SLC17A5: variants seen among roughly 807,000 people sequenced by gnomAD.
SLC17A5 encodes solute carrier family 17 member 5.
A neutral mutation model predicts 59.4 loss-of-function variants in SLC17A5; 47 were observed. The ratio of observed to expected loss-of-function variants is 0.79; its 90% confidence interval spans 0.63 to 1.01. The LOEUF (loss-of-function observed/expected upper bound fraction) is 1.01, where lower values mean the gene tolerates loss of function less well. Among genes scored for constraint, SLC17A5 ranks in the 50% least tolerant of loss-of-function variants. The probability of loss-of-function intolerance (pLI) is 0.00; values close to 1 mark genes in which losing one functional copy is unlikely to be tolerated. For missense variants in SLC17A5, 522 were observed against 595.5 expected (o/e 0.88, Z 1.28); for synonymous variants, 202 against 210.7 (o/e 0.96, Z 0.36).
chr6:73,605,630 A>AAC (rs3045763), intron 9 of SLC17A5, among the ~76,000 whole-genome samples: 53,024 of 145,746 alleles, frequency 0.36, 10,653 homozygotes, highest in Non-Finnish European at 0.46. Flanking sequence ...GCAAGGTTTA[A>AAC]ACACACACAC....
intron 3 of SLC17A5, among the ~76,000 whole-genome samples, chr6:73,640,697 G>A (rs768161830): frequency 1.3e-4 from 20 of 152,076 alleles, no homozygotes; most frequent in Admixed American, 2.6e-4. Context: ...GTAGAAGTTC[G>A]AAGTTATAAA....
intron 9 of SLC17A5, among the ~76,000 whole-genome samples, chr6:73,606,795 T>A (rs1330435228): frequency 6.6e-6 from 1 of 152,234 alleles, no homozygotes; most frequent in Non-Finnish European, 1.5e-5. Flanking sequence ...AGCATGCTAT[T>A]ACACTGAAAT....
intron 9 of SLC17A5, among the ~76,000 whole-genome samples, chr6:73,609,003 G>C (rs2150085443): frequency 6.6e-6 from 1 of 152,282 alleles, no homozygotes; most frequent in Middle Eastern, 3.4e-3. Context: ...CTGGGTGACA[G>C]AGTGCAGCTT....
chr6:73,621,690 G>A, intron 7 of SLC17A5, 114 bp downstream of exon 7: 1 of 843,970 alleles, frequency 1.2e-6, no homozygotes, highest in Non-Finnish European at 1.9e-6. Context: ...TAAAATTTAG[G>A]ACAGCAGAGT....
rs141463026 is a variant in SLC17A5, at chr6:73,653,802, C to T, written c.85G>A (p.Ala29Thr). 2,721 of 1,589,136 alleles carry T rather than the reference C, an allele frequency of 1.7e-3. 5 individuals carry two copies. Among genetic ancestry groups the T allele is most frequent in the Non-Finnish European group, 2.1e-3 (2,479 of 1,169,500 alleles). Residue 29 changes from alanine (A) to threonine (T), a missense_variant, in exon 1 of 11, where the codon GCC becomes ACC. Ala to Thr is a moderately conservative substitution (Grantham distance 58). This residue lies in a region of SLC17A5 where 338 missense variants were observed against 363.8 expected (regional missense o/e 0.93). Transcript: ENST00000355773. ...RTPLLPGAPR[A>T]EAAPVCCSAR... is the part of the protein sequence containing the mutation. Reference sequence around the variant, plus strand: ...CGACCCCGCCGCTTACCGGCTTCGGCCCGTGGGGCGCCCGGTAGAAGAGGC... The same window carrying T: ...CGACCCCGCCGCTTACCGGCTTCGGTCCGTGGGGCGCCCGGTAGAAGAGGC...
At chr6:73,599,021 A>G (rs1282674341) in intron 10 of SLC17A5, among the ~76,000 whole-genome samples, 1 of 151,464 alleles carries the variant, frequency 6.6e-6, no homozygotes, top group African/African-American at 2.4e-5. Context: ...ACACACAAAC[A>G]AAAAACAAAA....
At chr6:73,623,575 C>G (rs905342283) in intron 6 of SLC17A5, among the ~76,000 whole-genome samples, 1 of 152,136 alleles carries the variant, frequency 6.6e-6, no homozygotes, top group Non-Finnish European at 1.5e-5. Context: ...CTGAAGTGAT[C>G]TGCCTGCCTC....
chr6:73,647,967 G>T (rs1229064210), intron 1 of SLC17A5, among the ~76,000 whole-genome samples: 1 of 152,146 alleles, frequency 6.6e-6, no homozygotes, highest in African/African-American at 2.4e-5. Flanking sequence ...TACTCGGGAG[G>T]TTGAGGCAGG....
At chr6:73,641,355 A>G (rs1158991911) in intron 3 of SLC17A5, among the ~76,000 whole-genome samples, 2 of 152,210 alleles carry the variant, frequency 1.3e-5, no homozygotes, top group African/African-American at 4.8e-5. Flanking sequence ...CTGGGATTAC[A>G]GGCATGAGCC....
intron 6 of SLC17A5, among the ~76,000 whole-genome samples, chr6:73,627,922 CT>C (rs10672268): frequency 0.063 from 8,860 of 140,734 alleles, 389 homozygotes; most frequent in Admixed American, 0.17. Context: ...GTGCCTGCCA[CT>C]TTTTTTTTTT....
In SLC17A5 at chr6:73,635,381, C is replaced by T. The variant is rs1057517028; in HGVS notation, c.819+1G>A. 27 of 1,479,742 alleles carry T rather than the reference C, an allele frequency of 1.8e-5. No homozygotes were observed. The highest frequency in any genetic ancestry group is 2.5e-5 in the Non-Finnish European group (26 of 1,061,166). 91.7% of individuals were successfully genotyped at this position (1,479,742 alleles called of 1,614,324 possible). ...TTTTTAAAATGTGTCAAAGTCCATA[C>T]CTGATTTCTTAATGATGAAAGAATG... On this transcript the variant is annotated splice_donor_variant, in intron 6 of 10. Coordinates refer to ENST00000355773, the MANE Select transcript of SLC17A5 (RefSeq NM_012434.5). LOFTEE classifies it high-confidence loss of function.
At chr6:73,610,312 G>A (rs1767587258) in intron 9 of SLC17A5, 88 bp downstream of exon 9, 1 of 1,486,172 alleles carries the variant, frequency 6.7e-7, no homozygotes, top group Non-Finnish European at 9.3e-7. Flanking sequence ...GGGATTACAG[G>A]TGTGAGTCAC....
At chr6:73,596,725 T>G (rs1057195859) in intron 10 of SLC17A5, among the ~76,000 whole-genome samples, 47 of 151,278 alleles carry the variant, frequency 3.1e-4, no homozygotes, top group Non-Finnish European at 7.4e-5. Context: ...GCGTGGTGGC[T>G]GGTGCCTGTA....
At chr6:73,620,938 G>A (rs1371835055) in intron 7 of SLC17A5, among the ~76,000 whole-genome samples, 1 of 151,792 alleles carries the variant, frequency 6.6e-6, no homozygotes, top group African/African-American at 2.4e-5. Context: ...TATCCAATCT[G>A]TATTATCGAA....
At chr6:73,614,044 T>C (rs1460494676) in intron 8 of SLC17A5, among the ~76,000 whole-genome samples, 1 of 152,184 alleles carries the variant, frequency 6.6e-6, no homozygotes, top group African/African-American at 2.4e-5. Flanking sequence ...GGCGGGCAGA[T>C]GACTTGAGTT....
chr6:73,600,433 C>A lies in SLC17A5; in HGVS notation c.1268G>T (p.Gly423Val). The change falls in exon 10 of 11, where the codon GGT becomes GTT. Residue 423 changes from glycine to valine, a missense_variant. Coordinates refer to ENST00000355773, the MANE Select transcript of SLC17A5 (RefSeq NM_012434.5). ...TGTATTTGTGATGCCCAGGAGGATA[C>A]CAGCATACCTGTAGAAACATTTTCA... ...NHLDIAPSYAGILLGITNTFA... is the reference protein window; with the variant it reads ...NHLDIAPSYAVILLGITNTFA... The A allele has an allele frequency of 1.2e-6, 2 of 1,612,460 alleles. No homozygotes were observed. Among genetic ancestry groups the A allele is most frequent in the Non-Finnish European group, 1.7e-6 (2 of 1,178,652 alleles).
intron 10 of SLC17A5, among the ~76,000 whole-genome samples, chr6:73,598,844 C>T (rs1581951988): frequency 1.3e-5 from 2 of 149,568 alleles, no homozygotes; most frequent in South Asian, 4.3e-4. Flanking sequence ...ATTAGCTGGG[C>T]GTGGTGGCAC....
At chr6:73,650,681 T>A (rs1195506070) in intron 1 of SLC17A5, among the ~76,000 whole-genome samples, 1 of 144,844 alleles carries the variant, frequency 6.9e-6, no homozygotes, top group Non-Finnish European at 1.5e-5. Flanking sequence ...GGCAACAGAG[T>A]GAGATCCTGA....
At chr6:73,653,708 C>A (rs1769979601) in intron 1 of SLC17A5, 85 bp downstream of exon 1, 4 of 1,342,074 alleles carry the variant, frequency 3.0e-6, no homozygotes, top group Middle Eastern at 4.4e-4. Flanking sequence ...GCGCAGGGTG[C>A]GGGTACCCGG....
Sources: gnomAD v4.1 joint callset for allele counts (sites outside exome capture counted in the v4.1 genomes callset) on GRCh38, gnomAD v4.1.1 for gene constraint, gnomAD v4.1.1 regional missense constraint, MANE v1.5 for transcripts, NCBI Gene and HGNC (gene_info 2026-07-23, HGNC 2026-07-21) for gene names.